Variants in DLGAP4 observed in about 807,000 individuals in gnomAD.
DLGAP4 encodes the protein DLG associated protein 4, also known as disks large-associated protein 4.
Under a neutral mutation model 86.9 loss-of-function variants are expected in DLGAP4, and 18 were observed. That is an observed-to-expected ratio of 0.21 (90% confidence interval 0.14 to 0.31). The LOEUF (loss-of-function observed/expected upper bound fraction) is 0.31, where lower values mean the gene tolerates loss of function less well. Among genes scored for constraint, DLGAP4 ranks in the 10% least tolerant of loss-of-function variants. DLGAP4 has a pLI of 1.00. For synonymous variants in DLGAP4, 548 were observed against 574.3 expected (o/e 0.95, Z 0.65); for missense variants, 1,085 against 1,362.6 (o/e 0.80, Z 3.21).
intron 2 of DLGAP4, among the ~76,000 whole-genome samples, chr20:36,424,530 C>A (rs1008656093): frequency 1.3e-5 from 2 of 152,174 alleles, no homozygotes; most frequent in African/African-American, 4.8e-5. Flanking sequence ...CTAGCGGGAA[C>A]TTGGCTGTGA....
chr20:36,399,041 A>C (rs1183588791), intron 2 of DLGAP4, among the ~76,000 whole-genome samples: 1 of 152,110 alleles, frequency 6.6e-6, no homozygotes, highest in African/African-American at 2.4e-5. Context: ...AAAAATACAA[A>C]AATTAGCTAG....
At chr20:36,496,223 T>G (rs2035880884) in intron 7 of DLGAP4, among the ~76,000 whole-genome samples, 1 of 151,756 alleles carries the variant, frequency 6.6e-6, no homozygotes. Flanking sequence ...GCAGAGGGAA[T>G]AGGGGAGAGG....
intron 2 of DLGAP4, among the ~76,000 whole-genome samples, chr20:36,406,687 T>C (rs75989757): frequency 0.079 from 11,952 of 152,188 alleles, 617 homozygotes; most frequent in South Asian, 0.23. Flanking sequence ...AACACAGCTT[T>C]GTAACTGCAA....
chr20:36,398,435 G>T (rs1158090995), intron 2 of DLGAP4, among the ~76,000 whole-genome samples: 1 of 152,188 alleles, frequency 6.6e-6, no homozygotes, highest in African/African-American at 2.4e-5. Context: ...GATAAAATTT[G>T]CTAGGAATCA....
At chr20:36,314,104 A>G (rs1425839461) in intron 1 of DLGAP4, among the ~76,000 whole-genome samples, 1 of 151,884 alleles carries the variant, frequency 6.6e-6, no homozygotes, top group Non-Finnish European at 1.5e-5. Flanking sequence ...GAGGACTGGG[A>G]GTGCACAAGG....
intron 2 of DLGAP4, among the ~76,000 whole-genome samples, chr20:36,404,750 G>GA (rs1569487570): frequency 2.0e-5 from 3 of 151,476 alleles, no homozygotes; most frequent in African/African-American, 7.3e-5. Flanking sequence ...TTGTTGGTTG[G>GA]ATGAATGAAT....
chr20:36,467,046 CTCTCTCTCTCTCTCT>C (rs2034427458), intron 7 of DLGAP4, among the ~76,000 whole-genome samples: 2 of 133,434 alleles, frequency 1.5e-5, no homozygotes, highest in African/African-American at 3.6e-5. Flanking sequence ...CTCTCTCTCT[CTCTCTCTCTCTCTCT>C]CTCCCCCCCC....
chr20:36,499,578 C>T lies in DLGAP4; in HGVS notation c.2011-10C>T. ...TCTCCGTGCCGTTGCTGTCGTTGTC[C>T]TTCAATAAGGTTGACTGCATTCAGC... On this transcript the variant is annotated splice_polypyrimidine_tract_variant and intron_variant, in intron 8 of 12. Transcript: ENST00000339266. The T allele has an allele frequency of 3.7e-6, 6 of 1,613,554 alleles. No individual in the cohort carries two copies. The highest frequency in any genetic ancestry group is 5.1e-6 in the Non-Finnish European group (6 of 1,179,730).
intron 7 of DLGAP4, among the ~76,000 whole-genome samples, chr20:36,476,005 C>G (rs1014319838): frequency 1.2e-4 from 18 of 151,432 alleles, no homozygotes; most frequent in African/African-American, 3.9e-4. Context: ...ATTGCAGGCA[C>G]GCGCCACCAC....
chr20:36,309,650 A>G lies in DLGAP4; in HGVS notation c.-304+3138A>G, dbSNP rs1026937194. 1.9e-4 allele frequency among the ~76,000 whole-genome samples: 29 copies of G among 152,168 alleles called. 1 individual carries two copies. Among genetic ancestry groups the G allele is most frequent in the Admixed American group, 1.8e-3 (27 of 15,278 alleles). Reference sequence around the variant, plus strand: ...ATGCTGGGGCAGACCTGGCATCTTTAGAGGTGTGCCCCTGGCCAGGCATTT... The same window carrying G: ...ATGCTGGGGCAGACCTGGCATCTTTGGAGGTGTGCCCCTGGCCAGGCATTT... On this transcript the variant is annotated intron_variant, in intron 1 of 12. Coordinates refer to ENST00000339266, the MANE Select transcript of DLGAP4 (RefSeq NM_001365621.2).
At chr20:36,471,642 T>G (rs1301642883) in intron 7 of DLGAP4, among the ~76,000 whole-genome samples, 2 of 152,204 alleles carry the variant, frequency 1.3e-5, no homozygotes, top group Admixed American at 1.3e-4. Context: ...TCCCTGGCTA[T>G]TTGGTAAACC....
chr20:36,507,309 C>A (rs2147797482), intron 10 of DLGAP4, among the ~76,000 whole-genome samples: 1 of 152,176 alleles, frequency 6.6e-6, no homozygotes, highest in South Asian at 2.1e-4. Context: ...CTCACCACAA[C>A]CTCCGCCTCC....
chr20:36,436,458 G>A, intron 4 of DLGAP4, 108 bp downstream of exon 4: 1 of 1,421,016 alleles, frequency 7.0e-7, no homozygotes, highest in Non-Finnish European at 9.2e-7. Context: ...CCGCCTGCGT[G>A]GGAGCCACGC....
At chr20:36,344,273 T>C (rs1039590375) in intron 1 of DLGAP4, among the ~76,000 whole-genome samples, 9 of 152,230 alleles carry the variant, frequency 5.9e-5, no homozygotes, top group African/African-American at 9.6e-5. Context: ...TCATCTGTAT[T>C]CTTATCCCCA....
chr20:36,354,751 A>AC (rs1195063327), intron 1 of DLGAP4, among the ~76,000 whole-genome samples: 1 of 151,844 alleles, frequency 6.6e-6, no homozygotes, highest in Non-Finnish European at 1.5e-5. Flanking sequence ...ACATAGTGAG[A>AC]CCCCCCTCAT....
At chr20:36,429,484 G>A (rs534410229) in intron 2 of DLGAP4, among the ~76,000 whole-genome samples, 32 of 138,602 alleles carry the variant, frequency 2.3e-4, no homozygotes, top group South Asian at 2.1e-3. Flanking sequence ...AGCTCACTGC[G>A]AACTCTGCCT....
intron 2 of DLGAP4, among the ~76,000 whole-genome samples, chr20:36,427,302 C>G (rs147010365): frequency 1.1e-3 from 167 of 151,540 alleles, no homozygotes; most frequent in Non-Finnish European, 2.1e-3. Flanking sequence ...CATAGTGAAA[C>G]CCCATCTGTA....
intron 2 of DLGAP4, among the ~76,000 whole-genome samples, chr20:36,407,467 A>C (rs1031283815): frequency 6.6e-6 from 1 of 152,122 alleles, no homozygotes; most frequent in African/African-American, 2.4e-5. Context: ...TGACTCAGAA[A>C]CGTCTTTGTC....
Position 36,318,969 on chromosome 20 carries a change from C to CAGACCAA in DLGAP4, c.-304+12457_-304+12458insAGACCAA, listed in dbSNP as rs2065139340. On this transcript the variant is annotated intron_variant, in intron 1 of 12. Coordinates refer to ENST00000339266, the MANE Select transcript of DLGAP4 (RefSeq NM_001365621.2). Reference sequence around the variant, plus strand: ...GACCATCCTGACCAACGAGGTGAAACCCTGTCTCTACTAAAAATACAAAAA... The same window carrying CAGACCAA: ...GACCATCCTGACCAACGAGGTGAAACAGACCAACCTGTCTCTACTAAAAATACAAAAA... Among the ~76,000 whole-genome samples the CAGACCAA allele has an allele frequency of 3.9e-5, 6 of 152,098 alleles. 1 individual carries two copies. The South Asian group carries it at 1.2e-3, about 32-fold the overall frequency.
Sources: allele counts gnomAD v4.1 joint callset (sites outside exome capture counted in the v4.1 genomes callset), GRCh38; gene constraint gnomAD v4.1.1; transcripts MANE v1.5; gene names NCBI Gene and HGNC (gene_info 2026-07-23, HGNC 2026-07-21).